UNC5D: variants seen among roughly 807,000 people sequenced by gnomAD.
UNC5D encodes netrin receptor UNC5D.
Under a neutral mutation model 105.4 loss-of-function variants are expected in UNC5D, and 39 were observed. The ratio of observed to expected loss-of-function variants is 0.37; its 90% CI spans 0.29 to 0.48. The LOEUF (loss-of-function observed/expected upper bound fraction) is 0.48. Ranked by LOEUF, UNC5D falls within the 20% of genes least tolerant of loss-of-function variation. The pLI, the probability that UNC5D is intolerant of heterozygous loss-of-function variation, is 0.98. For synonymous variants in UNC5D, 452 were observed against 450.4 expected, an observed-to-expected ratio of 1.00 and a Z score of -0.04; for missense variants, 991 against 1,202.4, an observed-to-expected ratio of 0.82 and a Z score of 2.60.
At chr8:35,650,211 A>G (rs1823318483) in intron 4 of UNC5D, among the ~76,000 whole-genome samples, 1 of 152,182 alleles carries the variant, frequency 6.6e-6, no homozygotes, top group East Asian at 1.9e-4. Context: ...AGGAATATAG[A>G]ATGGAGAATG....
chr8:35,582,254 A>G (rs1221693862), intron 3 of UNC5D, among the ~76,000 whole-genome samples: 1 of 152,066 alleles, frequency 6.6e-6, no homozygotes, highest in African/African-American at 2.4e-5. Flanking sequence ...TCAGATCCCC[A>G]TGATAGCTCC....
chr8:35,618,860 G>A (rs1821182616), intron 4 of UNC5D, among the ~76,000 whole-genome samples: 1 of 152,098 alleles, frequency 6.6e-6, no homozygotes, highest in Non-Finnish European at 1.5e-5. Flanking sequence ...AGACATTATG[G>A]CAGGGTTGTG....
At chr8:35,238,619 G>A (rs1339585161) in intron 1 of UNC5D, among the ~76,000 whole-genome samples, 2 of 152,208 alleles carry the variant, frequency 1.3e-5, no homozygotes, top group African/African-American at 2.4e-5. Context: ...GGGGACTGCT[G>A]TTCATCTGCT....
At chr8:35,672,529 C>T (rs1824881008) in intron 4 of UNC5D, among the ~76,000 whole-genome samples, 1 of 152,150 alleles carries the variant, frequency 6.6e-6, no homozygotes, top group Non-Finnish European at 1.5e-5. Context: ...GATTGTTTCC[C>T]TCTTTGCAGA....
At chr8:35,573,474 GA>G (rs1242840989) in intron 3 of UNC5D, among the ~76,000 whole-genome samples, 3 of 151,662 alleles carry the variant, frequency 2.0e-5, no homozygotes, top group African/African-American at 4.8e-5. Flanking sequence ...AAAAAGAAAA[GA>G]AAAAAAAGTT....
chr8:35,552,033 A>G (rs952437419), intron 2 of UNC5D, among the ~76,000 whole-genome samples: 1 of 152,212 alleles, frequency 6.6e-6, no homozygotes, highest in Non-Finnish European at 1.5e-5. Flanking sequence ...GTATAAATTC[A>G]AAACTCCAAA....
chr8:35,309,315 G>A (rs373403577), intron 1 of UNC5D, among the ~76,000 whole-genome samples: 11 of 152,152 alleles, frequency 7.2e-5, no homozygotes, highest in Admixed American at 3.9e-4. Context: ...TTCCCCTGTT[G>A]CAGGTGCAAC....
chr8:35,568,278 A>T (rs368353804), intron 3 of UNC5D, 37 bp downstream of exon 3: 31 of 1,607,014 alleles, frequency 1.9e-5, no homozygotes, highest in Non-Finnish European at 2.6e-5. Context: ...TTGTAGGACC[A>T]CAAATGAGAG....
In UNC5D at chr8:35,265,495, A is replaced by G. The variant is rs530328460; in HGVS notation, c.103+29608A>G. Among the ~76,000 whole-genome samples the G allele has an allele frequency of 5.1e-4, 78 of 152,304 alleles. No homozygotes were observed. In the Middle Eastern group the frequency reaches 0.01, roughly 20 times the overall value. ...CCAATAAAACTTTATTTATAAAAGC[A>G]GGAAGGAAGCAGGCTGGATTTGACC... On this transcript the variant is annotated intron_variant, in intron 1 of 16. Coordinates refer to ENST00000404895, the MANE Select transcript of UNC5D (RefSeq NM_080872.4).
At chr8:35,754,186 A>T (rs1408129580) in intron 13 of UNC5D, among the ~76,000 whole-genome samples, 1 of 152,224 alleles carries the variant, frequency 6.6e-6, no homozygotes, top group African/African-American at 2.4e-5. Flanking sequence ...GTAAGCTGAA[A>T]ATAGAGTATA....
chr8:35,285,050 A>T (rs1334856381), intron 1 of UNC5D, among the ~76,000 whole-genome samples: 1 of 152,170 alleles, frequency 6.6e-6, no homozygotes, highest in Non-Finnish European at 1.5e-5. Context: ...TACCTAAATG[A>T]TACACTCACT....
rs58063448 is a variant in UNC5D at position 35,253,473 on chromosome 8, C to CTTTTTTTTTTTTTT, written c.103+17594_103+17607dup. ...GAGTTTGGAGTAGAGATTTTATTTCCTTTTTTTTTTTTTTTTTTTTTCTTT... is the reference window on the plus strand; with the variant it reads ...GAGTTTGGAGTAGAGATTTTATTTCCTTTTTTTTTTTTTTTTTTTTTTTTTTTTTTTTTTTCTTT... On this transcript the variant is annotated intron_variant, in intron 1 of 16. Coordinates refer to ENST00000404895, the MANE Select transcript of UNC5D (RefSeq NM_080872.4). 1.9e-4 allele frequency among the ~76,000 whole-genome samples: 19 copies of CTTTTTTTTTTTTTT among 99,852 alleles called. 1 individual carries two copies. Among genetic ancestry groups the CTTTTTTTTTTTTTT allele is most frequent in the African/African-American group, 3.5e-4 (9 of 26,066 alleles). 65.5% of individuals were successfully genotyped at this position (99,852 alleles called of 152,430 possible).
chr8:35,762,240 T>G (rs1006108028), intron 14 of UNC5D, among the ~76,000 whole-genome samples: 7 of 152,134 alleles, frequency 4.6e-5, no homozygotes, highest in African/African-American at 1.7e-4. Context: ...ACCAGCAAAC[T>G]GCATGAGAAA....
intron 4 of UNC5D, among the ~76,000 whole-genome samples, chr8:35,666,515 T>C (rs1824432598): frequency 6.6e-6 from 1 of 150,960 alleles, no homozygotes; most frequent in South Asian, 2.1e-4. Context: ...TTCCCTGTAG[T>C]GTTGCGAAGC....
intron 1 of UNC5D, among the ~76,000 whole-genome samples, chr8:35,432,341 T>G (rs1806700941): frequency 6.6e-6 from 1 of 152,188 alleles, no homozygotes; most frequent in African/African-American, 2.4e-5. Context: ...ACAACATTAT[T>G]ATGACATAGT....
At chr8:35,621,600 G>A (rs778623616) in intron 4 of UNC5D, among the ~76,000 whole-genome samples, 17 of 152,156 alleles carry the variant, frequency 1.1e-4, no homozygotes, top group African/African-American at 2.2e-4. Flanking sequence ...AATCTGCACC[G>A]TGGTCATTGT....
Position 35,487,055 on chromosome 8 carries a change from TA to T in UNC5D, c.104-62236del, listed in dbSNP as rs546920241. Among the ~76,000 whole-genome samples, 191 of 152,282 alleles carry T rather than the reference TA, an allele frequency of 1.3e-3. 1 individual carries two copies. Among genetic ancestry groups the T allele is most frequent in the African/African-American group, 4.3e-3 (179 of 41,562 alleles). Reference sequence around the variant, plus strand: ...TAACTAAGATTTGCTAGATAATTTTTACTGAGCTCAAAGCCTAAGTAATTTT... The same window carrying T: ...TAACTAAGATTTGCTAGATAATTTTTCTGAGCTCAAAGCCTAAGTAATTTT... On this transcript the variant is annotated intron_variant, in intron 1 of 16. Coordinates refer to ENST00000404895, the MANE Select transcript of UNC5D (RefSeq NM_080872.4).
At chr8:35,253,766 G>T (rs1242003449) in intron 1 of UNC5D, among the ~76,000 whole-genome samples, 5 of 152,052 alleles carry the variant, frequency 3.3e-5, no homozygotes, top group African/African-American at 1.2e-4. Flanking sequence ...TGGGATTATA[G>T]GTGTGAGCCA....
intron 1 of UNC5D, among the ~76,000 whole-genome samples, chr8:35,270,281 G>C (rs189690245): frequency 7.9e-5 from 12 of 152,224 alleles, no homozygotes; most frequent in Non-Finnish European, 1.6e-4. Flanking sequence ...TCGATTTCTT[G>C]GGCTTTCGAT....
Sources: gnomAD v4.1 joint callset for allele counts (sites outside exome capture counted in the v4.1 genomes callset) on GRCh38, gnomAD v4.1.1 for gene constraint, MANE v1.5 for transcripts, NCBI Gene and HGNC (gene_info 2026-07-23, HGNC 2026-07-21) for gene names.